Variants in CCDC68 observed in about 807,000 individuals in gnomAD.
CCDC68 encodes the protein coiled-coil domain-containing protein 68.
A neutral mutation model predicts 47.1 loss-of-function variants in CCDC68; 45 were observed. That is an observed-to-expected ratio of 0.96 (90% CI 0.75 to 1.23). CCDC68 has a LOEUF of 1.23. CCDC68 is among the 50% of genes most tolerant of loss of function. CCDC68 has a pLI of 0.00. For synonymous variants in CCDC68, 131 were observed against 129.5 expected, an observed-to-expected ratio of 1.01 and a Z score of -0.08; for missense variants, 353 against 373.6, an observed-to-expected ratio of 0.94 and a Z score of 0.45.
At chr18:54,927,928 G>C (rs901691658) in intron 8 of CCDC68, among the ~76,000 whole-genome samples, 1 of 152,116 alleles carries the variant, frequency 6.6e-6, no homozygotes, top group Non-Finnish European at 1.5e-5. Flanking sequence ...GCCTGTAGGG[G>C]GGAAATCGAA....
chr18:54,954,811 G>T (rs2044684475), intron 1 of CCDC68: 1 of 152,030 alleles, frequency 6.6e-6, no homozygotes, highest in South Asian at 2.1e-4. Context: ...TACCAAACAA[G>T]ATTGATTACT....
Position 54,902,027 on chromosome 18 carries a change from C to A in CCDC68, c.*2331G>T, listed in dbSNP as rs1478040787. ...ACTCGGGAGGCTGAGGCAGGAGAATCGTTTAGTTTTGGGAAGGGCTATTAT... is the reference window on the plus strand; with the variant it reads ...ACTCGGGAGGCTGAGGCAGGAGAATAGTTTAGTTTTGGGAAGGGCTATTAT... On this transcript the variant is annotated 3_prime_UTR_variant, in exon 12 of 12. Coordinates refer to ENST00000591504, the MANE Select transcript of CCDC68 (RefSeq NM_025214.3). 1 of 151,958 alleles carries A rather than the reference C, an allele frequency of 6.6e-6. No homozygotes were observed. The highest frequency in any genetic ancestry group is 1.9e-4 in the East Asian group (1 of 5,184). The allele number at this position is 151,958 out of a possible 1,614,324, so 9.4% of individuals were successfully genotyped here. A position where few individuals can be genotyped will look rare whatever the true frequency, so the allele number is the denominator to read the frequency against.
rs1247894652 is a variant in CCDC68 at position 54,942,803 on chromosome 18, G to A, written c.-12C>T. 6.6e-7 allele frequency: 1 copy of A among 1,522,934 alleles called. No homozygotes were observed. Among genetic ancestry groups the A allele is most frequent in the Non-Finnish European group, 9.1e-7 (1 of 1,098,752 alleles). The allele number at this position is 1,522,934 out of a possible 1,614,324, so 94.3% of individuals were successfully genotyped here. On this transcript the variant is annotated splice_region_variant and 5_prime_UTR_variant, in exon 3 of 12. Coordinates refer to ENST00000591504, the MANE Select transcript of CCDC68 (RefSeq NM_025214.3). ...GTCACTGTTGTCATTGTGAATTCTG[G>A]CTTTAGGAAAACATAAATCAGCTAA...
rs759782177 is a variant in CCDC68 at position 54,902,111 on chromosome 18, C to T, written c.*2247G>A. 7.1e-6 allele frequency: 1 copy of T among 140,014 alleles called. No individual in the cohort carries two copies. Among genetic ancestry groups the T allele is most frequent in the Non-Finnish European group, 1.5e-5 (1 of 65,050 alleles). The allele number at this position is 140,014 out of a possible 1,614,324, so 8.7% of individuals were successfully genotyped here. ...TAGCTTGGCCCACACTCAGGAACGA[C>T]CAAGGGCAGTTTCGAGGCAAGATAG... On this transcript the variant is annotated 3_prime_UTR_variant, in exon 12 of 12. Coordinates refer to ENST00000591504, the MANE Select transcript of CCDC68 (RefSeq NM_025214.3).
At chr18:54,938,132 A>C (rs771483468) in intron 4 of CCDC68, 35 bp from the exon 5 acceptor site, 9 of 1,580,406 alleles carry the variant, frequency 5.7e-6, no homozygotes, top group Non-Finnish European at 7.7e-6. Context: ...AGACCTGACT[A>C]TCTTTTCCTC....
intron 10 of CCDC68, among the ~76,000 whole-genome samples, chr18:54,912,202 C>T (rs1914407266): frequency 6.6e-6 from 1 of 152,088 alleles, no homozygotes; most frequent in Non-Finnish European, 1.5e-5. Context: ...AAATGCATTT[C>T]CCTAGGAGCA....
chr18:54,914,868 C>A (rs1485554812), intron 10 of CCDC68, among the ~76,000 whole-genome samples: 1 of 152,206 alleles, frequency 6.6e-6, no homozygotes, highest in South Asian at 2.1e-4. Context: ...CCTTCCTTGT[C>A]TAACTGTTTA....
chr18:54,929,111 C>A (rs2044199702), intron 7 of CCDC68, among the ~76,000 whole-genome samples: 1 of 152,228 alleles, frequency 6.6e-6, no homozygotes, highest in Admixed American at 6.5e-5. Flanking sequence ...TGGAGGACTT[C>A]TTCTGCTCCT....
intron 3 of CCDC68, 97 bp from the exon 4 acceptor site, chr18:54,941,180 G>T: frequency 1.3e-6 from 1 of 741,748 alleles, no homozygotes; most frequent in Non-Finnish European, 2.3e-6. Flanking sequence ...TATCTAGAAA[G>T]TAATACATAT....
At position 54,942,761 on chromosome 18, in the gene CCDC68, G is replaced by C; in HGVS notation, c.31C>G (p.Pro11Ala). 2 of 1,611,804 alleles carry C rather than the reference G, an allele frequency of 1.2e-6. No homozygotes were observed. The highest frequency in any genetic ancestry group is 1.7e-6 in the Non-Finnish European group (2 of 1,178,570). Residue 11 changes from proline (P) to alanine (A), a missense_variant, in exon 3 of 12, where the codon CCC becomes GCC. Coordinates refer to ENST00000591504, the MANE Select transcript of CCDC68 (RefSeq NM_025214.3). ...TTATCTTCCATCTTATCCCTTGGGG[G>C]AATTTCTGTGGTCACTGTCACTGTT... MTTVTVTTEI[P>A]PRDKMEDNSA...
chr18:54,952,402 C>G (rs1251854856), intron 1 of CCDC68, among the ~76,000 whole-genome samples: 1 of 152,106 alleles, frequency 6.6e-6, no homozygotes, highest in Non-Finnish European at 1.5e-5. Context: ...TTAGCTTGAA[C>G]ATAATTTATG....
intron 8 of CCDC68, among the ~76,000 whole-genome samples, chr18:54,926,392 A>G (rs2044145473): frequency 6.6e-6 from 1 of 152,244 alleles, no homozygotes; most frequent in Admixed American, 6.5e-5. Context: ...AAAGCCCCTT[A>G]TAAAACCATC....
At position 54,903,720 on chromosome 18, in the gene CCDC68, G is replaced by T. The variant is rs1913813958; in HGVS notation, c.*638C>A. ...GAAGAACAGTCATTCTCTGATGTGT[G>T]GTGAGGCAGCCATGATTCTCAACTT... On this transcript the variant is annotated 3_prime_UTR_variant, in exon 12 of 12. Transcript: ENST00000591504. The T allele has an allele frequency of 6.6e-6, 1 of 152,202 alleles. No individual in the cohort carries two copies. Among genetic ancestry groups the T allele is most frequent in the Admixed American group, 6.5e-5 (1 of 15,274 alleles). The allele number at this position is 152,202 out of a possible 1,614,324, so 9.4% of individuals were successfully genotyped here. A position where few individuals can be genotyped will look rare whatever the true frequency, so the allele number is the denominator to read the frequency against.
chr18:54,926,067 G>C (rs11664828), intron 8 of CCDC68, among the ~76,000 whole-genome samples: 25,698 of 152,156 alleles, frequency 0.17, 2,199 homozygotes, highest in South Asian at 0.22. Flanking sequence ...CATATGCTTT[G>C]ACATGCAACC....
chr18:54,924,819 A>G (rs2044119080), intron 8 of CCDC68, among the ~76,000 whole-genome samples: 1 of 152,092 alleles, frequency 6.6e-6, no homozygotes, highest in African/African-American at 2.4e-5. Context: ...AATACTCGAC[A>G]ATCTATCTTT....
rs1029710910 is a variant in CCDC68 at position 54,903,119 on chromosome 18, C to T, written c.*1239G>A. ...CTTGGATAAATTTATAAATACATTA[C>T]ATCATCTCATTTTTATATACCTTCA... On this transcript the variant is annotated 3_prime_UTR_variant, in exon 12 of 12. Transcript: ENST00000591504. 1.3e-5 allele frequency: 2 copies of T among 152,160 alleles called. No homozygotes were observed. Among genetic ancestry groups the T allele is most frequent in the Non-Finnish European group, 1.5e-5 (1 of 68,026 alleles). The allele number at this position is 152,160 out of a possible 1,614,324, so 9.4% of individuals were successfully genotyped here.
chr18:54,946,832 G>GC, intron 1 of CCDC68, among the ~76,000 whole-genome samples: 1 of 148,522 alleles, frequency 6.7e-6, no homozygotes, highest in Admixed American at 6.7e-5. Context: ...AGGAAAATGA[G>GC]TTTTTTTTTT....
chr18:54,933,551 A>G (rs968342809), intron 7 of CCDC68, among the ~76,000 whole-genome samples: 8 of 152,226 alleles, frequency 5.3e-5, no homozygotes, highest in Non-Finnish European at 1.0e-4. Context: ...TCCTTAATGC[A>G]AACATTCTTT....
At chr18:54,907,180 C>G (rs1914061831) in intron 11 of CCDC68, among the ~76,000 whole-genome samples, 1 of 152,140 alleles carries the variant, frequency 6.6e-6, no homozygotes, top group South Asian at 2.1e-4. Flanking sequence ...AGCCCAGATT[C>G]TGATTCTGCC....
Sources: allele counts gnomAD v4.1 joint callset (sites outside exome capture counted in the v4.1 genomes callset), GRCh38; gene constraint gnomAD v4.1.1; transcripts MANE v1.5; gene names NCBI Gene and HGNC (gene_info 2026-07-23, HGNC 2026-07-21).